The following BIRC6 variants were observed in gnomAD, a reference collection of about 807,000 sequenced individuals.
BIRC6 encodes the protein baculoviral IAP repeat containing 6.
In BIRC6, 98 loss-of-function variants were observed where a neutral mutation model predicts 503.3. That is an observed-to-expected ratio of 0.19 (90% CI 0.17 to 0.23). The LOEUF (loss-of-function observed/expected upper bound fraction) is 0.23, where lower values mean the gene tolerates loss of function less well. Among genes scored for constraint, BIRC6 ranks in the 10% least tolerant of loss-of-function variants. The pLI, the probability that BIRC6 is intolerant of heterozygous loss-of-function variation, is 1.00. For synonymous variants in BIRC6, 2,240 were observed against 2,078.7 expected (o/e 1.08, Z -2.11); for missense variants, 5,360 against 5,806.0 (o/e 0.92, Z 2.50).
In BIRC6 at chr2:32,482,595, T is replaced by G; in HGVS notation, c.7696+13T>G. The stretch of plus-strand genomic sequence containing the variant: ...TCAGTCTCTCAGGGTAAGTGTATGT[T>G]TATATTTTAAGACATATGCTATTCT... On this transcript the variant is annotated intron_variant, in intron 39 of 73. Coordinates refer to ENST00000421745, the MANE Select transcript of BIRC6 (RefSeq NM_016252.4). 6.2e-7 allele frequency: 1 copy of G among 1,613,214 alleles called. No homozygotes were observed. The highest frequency in any genetic ancestry group is 8.5e-7 in the Non-Finnish European group (1 of 1,179,366).
chr2:32,377,926 C>G (rs528436423), intron 2 of BIRC6, among the ~76,000 whole-genome samples, 157 bp downstream of exon 2: 5 of 152,082 alleles, frequency 3.3e-5, no homozygotes, highest in Admixed American at 3.3e-4. Flanking sequence ...AATATTAATA[C>G]TCACCTTTTC....
At chr2:32,482,853 T>C (rs1184270056) in intron 39 of BIRC6, among the ~76,000 whole-genome samples, 1 of 152,208 alleles carries the variant, frequency 6.6e-6, no homozygotes, top group South Asian at 2.1e-4. Flanking sequence ...ATTGTTGACT[T>C]TAATAGTAAA....
chr2:32,380,394 A>G (rs375263273), intron 3 of BIRC6, 104 bp downstream of exon 3: 1 of 1,379,514 alleles, frequency 7.2e-7, no homozygotes, highest in East Asian at 2.6e-5. Context: ...CTAATTCTAG[A>G]TTTTTCTTTT....
At chr2:32,359,116 C>A (rs1232924353) in intron 1 of BIRC6, among the ~76,000 whole-genome samples, 1 of 152,230 alleles carries the variant, frequency 6.6e-6, no homozygotes, top group Non-Finnish European at 1.5e-5. Flanking sequence ...CTCCAATCCT[C>A]CCTCTTCATA....
At chr2:32,464,469 C>G (rs2048318502) in intron 24 of BIRC6, 40 bp from the exon 25 acceptor site, 4 of 1,497,440 alleles carry the variant, frequency 2.7e-6, no homozygotes, top group Non-Finnish European at 3.6e-6. Context: ...TTTAGGTAGG[C>G]AGGATTAGTC....
intron 65 of BIRC6, among the ~76,000 whole-genome samples, chr2:32,556,946 A>AC (rs1420400523): frequency 1.9e-4 from 2 of 10,378 alleles, no homozygotes; most frequent in Non-Finnish European, 4.7e-4. Flanking sequence ...CTCAAAAAAC[A>AC]AAAAGAAAGA....
intron 59 of BIRC6, chr2:32,529,331 C>T (rs1285153533): frequency 3.3e-5 from 7 of 213,206 alleles, no homozygotes; most frequent in Non-Finnish European, 5.6e-5. Context: ...GACTATATGG[C>T]CCCCCCAGGT....
chr2:32,417,123 C>T (rs2042462840), intron 10 of BIRC6, among the ~76,000 whole-genome samples: 1 of 152,030 alleles, frequency 6.6e-6, no homozygotes, highest in African/African-American at 2.4e-5. Context: ...AGGCATGAGC[C>T]ACCATGCCAG....
chr2:32,552,829 T>C (rs2058514596), intron 65 of BIRC6, among the ~76,000 whole-genome samples: 1 of 150,676 alleles, frequency 6.6e-6, no homozygotes. Context: ...TAAAAAATTA[T>C]TACTATTCTA....
chr2:32,394,722 T>C (rs2039662964), intron 5 of BIRC6, among the ~76,000 whole-genome samples: 1 of 152,122 alleles, frequency 6.6e-6, no homozygotes, highest in Non-Finnish European at 1.5e-5. Flanking sequence ...TAGTTCCAGC[T>C]GGGGGGCTGA....
In BIRC6 at chr2:32,429,147, T is replaced by G; in HGVS notation, c.2874T>G (p.Gly958=). The change falls in exon 11 of 74, where the codon GGT becomes GGG. Residue 958 remains glycine (G), a splice_region_variant and synonymous_variant. Transcript: ENST00000421745. The stretch of plus-strand genomic sequence containing the variant: ...TCTATGAAATTTACTACACTGTAGG[T>G]GGTGAGCTTCATTTTCTCCAAATTG... ...GTDRLCACTK[G]GELHFLQIGG... The G allele has an allele frequency of 6.3e-7, 1 of 1,587,506 alleles. No homozygotes were observed. Among genetic ancestry groups the G allele is most frequent in the Non-Finnish European group, 8.6e-7 (1 of 1,167,526 alleles).
rs769291093 is a variant in BIRC6 at position 32,500,014 on chromosome 2, A to G, written c.8936A>G (p.Tyr2979Cys). ...SSTSVQGSPAYVADLVLANQQ... is the reference protein window; with the variant it reads ...SSTSVQGSPACVADLVLANQQ... ...ACCAGTGTTCAAGGATCGCCTGCAT[A>G]TGTTGCTGACTTAGTCTTAGCCAAC... The change falls in exon 46 of 74, where the codon TAT (tyrosine) becomes TGT (cysteine). Residue 2979 changes from tyrosine (Y) to cysteine (C), a missense_variant. By Grantham distance (194) the Tyr-to-Cys change is radical. Transcript: ENST00000421745. 13 of 1,613,882 alleles carry G rather than the reference A, an allele frequency of 8.1e-6. No individual in the cohort carries two copies. The highest frequency in any genetic ancestry group is 1.3e-5 in the African/African-American group (1 of 74,920).
At chr2:32,414,174 G>A (rs754329892) in intron 9 of BIRC6, among the ~76,000 whole-genome samples, 17 of 151,958 alleles carry the variant, frequency 1.1e-4, no homozygotes, top group Non-Finnish European at 2.4e-4. Flanking sequence ...CTATTCTTGC[G>A]GCTGAGGCAG....
intron 20 of BIRC6, among the ~76,000 whole-genome samples, chr2:32,444,439 C>G (rs1342455875): frequency 6.6e-6 from 1 of 152,242 alleles, no homozygotes; most frequent in South Asian, 2.1e-4. Flanking sequence ...AAGCAGTTCT[C>G]TAAAATAGCA....
In BIRC6 at chr2:32,525,479, C is replaced by G. The variant is rs1482836547; in HGVS notation, c.11771C>G (p.Ser3924Cys). 1.9e-6 allele frequency: 3 copies of G among 1,613,848 alleles called. No individual in the cohort carries two copies. The highest frequency in any genetic ancestry group is 2.5e-6 in the Non-Finnish European group (3 of 1,179,878). Reference protein sequence around the residue: ...VVVASGLKSQSKRAVSATPPR... With the variant: ...VVVASGLKSQCKRAVSATPPR... Reference sequence around the variant, plus strand: ...TTTCTTTTAGGGCTGAAGTCTCAATCTAAACGTGCTGTGTCAGCTACACCA... The same window carrying G: ...TTTCTTTTAGGGCTGAAGTCTCAATGTAAACGTGCTGTGTCAGCTACACCA... Residue 3924 changes from serine to cysteine, a missense_variant, in exon 59 of 74, where the codon TCT becomes TGT. Ser to Cys is a moderately radical substitution (Grantham distance 112). Around this residue, in one of 16 missense-constraint regions of BIRC6, gnomAD observed 878 missense variants for 928.9 expected, o/e 0.95. Coordinates refer to ENST00000421745, the MANE Select transcript of BIRC6 (RefSeq NM_016252.4).
At chr2:32,582,306 G>T (rs932948139) in intron 66 of BIRC6, among the ~76,000 whole-genome samples, 1 of 152,128 alleles carries the variant, frequency 6.6e-6, no homozygotes, top group Non-Finnish European at 1.5e-5. Context: ...GAGCCCAGGA[G>T]TTCAAGACCA....
intron 40 of BIRC6, among the ~76,000 whole-genome samples, chr2:32,486,541 G>A (rs2051011840): frequency 6.6e-6 from 1 of 152,210 alleles, no homozygotes; most frequent in Non-Finnish European, 1.5e-5. Flanking sequence ...GTGCTTAGAA[G>A]AGGGTGCTGG....
intron 57 of BIRC6, among the ~76,000 whole-genome samples, chr2:32,524,325 G>A (rs1180056747): frequency 1.3e-5 from 2 of 151,976 alleles, no homozygotes; most frequent in Non-Finnish European, 2.9e-5. Context: ...TCCTGTTTTT[G>A]TCCTAAATAA....
chr2:32,401,246 C>G lies in BIRC6; in HGVS notation c.1118C>G (p.Ala373Gly). 1.9e-6 allele frequency: 3 copies of G among 1,614,036 alleles called. No homozygotes were observed. Among genetic ancestry groups the G allele is most frequent in the Non-Finnish European group, 2.5e-6 (3 of 1,179,886 alleles). ...TQNVPLSVTL[A>G]TSPAQFPCTD... ...AATGTGCCATTGTCAGTCACTCTTG[C>G]AACAAGTCCTGCACAGTTTCCTTGT... The change falls in exon 7 of 74, where the codon GCA (alanine) becomes GGA (glycine). Residue 373 changes from alanine to glycine, a missense_variant. Transcript: ENST00000421745.
Sources: gnomAD v4.1 joint callset for allele counts (sites outside exome capture counted in the v4.1 genomes callset) on GRCh38, gnomAD v4.1.1 for gene constraint, gnomAD v4.1.1 regional missense constraint, MANE v1.5 for transcripts, NCBI Gene and HGNC (gene_info 2026-07-23, HGNC 2026-07-21) for gene names.